EML6: variants seen among roughly 807,000 people sequenced by gnomAD.
EML6 encodes EMAP like 6.
EML6 carries 154 observed loss-of-function variants against 240.1 expected under a neutral mutation model. The ratio of observed to expected loss-of-function variants is 0.64; its 90% CI spans 0.56 to 0.73. The LOEUF (loss-of-function observed/expected upper bound fraction) is 0.73. Among genes scored for constraint, EML6 ranks in the 30% least tolerant of loss-of-function variants. EML6 has a pLI of 0.00. For missense variants in EML6, 2,964 were observed against 2,474.6 expected (o/e 1.20, Z -4.20); for synonymous variants, 1,148 against 899.0 (o/e 1.28, Z -4.95).
intron 2 of EML6, among the ~76,000 whole-genome samples, chr2:54,810,609 G>A (rs1398178139): frequency 6.6e-6 from 1 of 152,168 alleles, no homozygotes; most frequent in East Asian, 1.9e-4. Context: ...GCCTTCCAGG[G>A]GAAATATGCT....
At chr2:54,826,333 AC>A (rs1558582832) in intron 5 of EML6, among the ~76,000 whole-genome samples, 5 of 152,230 alleles carry the variant, frequency 3.3e-5, no homozygotes, top group Admixed American at 2.6e-4. Context: ...TCTAGTTGAT[AC>A]ATGAAAACTA....
At chr2:54,797,185 A>AAAC (rs1553380393) in intron 2 of EML6, among the ~76,000 whole-genome samples, 2 of 149,064 alleles carry the variant, frequency 1.3e-5, no homozygotes, top group East Asian at 3.9e-4. Context: ...AAAAAAAAAA[A>AAAC]AAAACTGTGA....
intron 31 of EML6, among the ~76,000 whole-genome samples, chr2:54,953,156 T>C (rs1217533968): frequency 1.3e-5 from 2 of 152,240 alleles, no homozygotes; most frequent in African/African-American, 4.8e-5. Flanking sequence ...CTGCTTGTTT[T>C]CATTGAATCA....
chr2:54,772,690 G>A (rs901291300), intron 2 of EML6, among the ~76,000 whole-genome samples: 2 of 152,196 alleles, frequency 1.3e-5, no homozygotes, highest in African/African-American at 4.8e-5. Flanking sequence ...AGATGGGAGA[G>A]GTCAGGAGAC....
chr2:54,765,693 C>T (rs543091179), intron 2 of EML6, among the ~76,000 whole-genome samples: 2 of 152,260 alleles, frequency 1.3e-5, no homozygotes, highest in South Asian at 4.2e-4. Flanking sequence ...ATCTCCTGAC[C>T]TCGTGATCCA....
In EML6 at chr2:54,892,528, G is replaced by C; in HGVS notation, c.2614G>C (p.Gly872Arg). 1 of 1,551,384 alleles carries C rather than the reference G, an allele frequency of 6.4e-7. No individual in the cohort carries two copies. ...GGAAACAATGATGTGTGTTTCTTAC[G>C]GACGAATGGAAGATCTAGTGTTCTC... ...KLETMMCVSY[G>R]RMEDLVFSGA... is the part of the protein sequence containing the mutation. Residue 872 changes from glycine (G) to arginine (R), a missense_variant, in exon 19 of 42, where the codon GGA (glycine) becomes CGA (arginine). Gly to Arg is a moderately radical substitution (Grantham distance 125). Transcript: ENST00000356458.
intron 2 of EML6, among the ~76,000 whole-genome samples, chr2:54,756,155 T>C (rs1206015924): frequency 6.6e-6 from 1 of 152,146 alleles, no homozygotes; most frequent in Non-Finnish European, 1.5e-5. Context: ...CTCTGGGCTC[T>C]GCACTGCAAA....
rs1007693861 is a variant in EML6, at chr2:54,805,060, G to C, written c.198-8172G>C. ...CTCCTAACATATGTTGAAGGTATTA[G>C]TGACTTGAGTATTCCACTGAATGCT... On this transcript the variant is annotated intron_variant, in intron 2 of 41. Coordinates refer to ENST00000356458, the MANE Select transcript of EML6 (RefSeq NM_001039753.4). Among the ~76,000 whole-genome samples the C allele has an allele frequency of 9.2e-5, 14 of 152,170 alleles. 1 individual carries two copies. Among genetic ancestry groups the C allele is most frequent in the Admixed American group, 9.2e-4 (14 of 15,278 alleles).
intron 21 of EML6, among the ~76,000 whole-genome samples, chr2:54,898,221 C>G (rs562708048): frequency 7.4e-4 from 112 of 152,182 alleles, no homozygotes; most frequent in Non-Finnish European, 2.1e-4. Context: ...TCCTTCAAGC[C>G]TGCCTCGCTT....
At chr2:54,880,110 C>T (rs544221317) in intron 17 of EML6, 1 of 153,954 alleles carries the variant, frequency 6.5e-6, no homozygotes, top group African/African-American at 2.4e-5. Flanking sequence ...CAAATTGTTT[C>T]CCTAATCTTC....
chr2:54,856,951 G>A (rs575413192), intron 11 of EML6, among the ~76,000 whole-genome samples: 5 of 152,298 alleles, frequency 3.3e-5, no homozygotes, highest in South Asian at 4.1e-4. Flanking sequence ...AAGGTTGGTC[G>A]GGCTTAGGAA....
At chr2:54,878,916 G>C (rs1671667377) in intron 16 of EML6, among the ~76,000 whole-genome samples, 1 of 152,160 alleles carries the variant, frequency 6.6e-6, no homozygotes. Context: ...TAGAAATTGG[G>C]AAGATTTAAA....
Position 54,895,292 on chromosome 2 carries a change from C to T in EML6, c.2874C>T (p.Asn958=), listed in dbSNP as rs540621079. The change falls in exon 21 of 42, where the codon AAC becomes AAT. Residue 958 remains asparagine (N), a synonymous_variant. Coordinates refer to ENST00000356458, the MANE Select transcript of EML6 (RefSeq NM_001039753.4). Reference sequence around the variant, plus strand: ...CCCCAGGCTTGCTTTTGGAAGATAACCCTTCAATTCGTGCCATCACTTTGG... The same window carrying T: ...CCCCAGGCTTGCTTTTGGAAGATAATCCTTCAATTCGTGCCATCACTTTGG... The part of the protein sequence containing the change: ...TSSKGLLLED[N]PSIRAITLGH... 1.3e-6 allele frequency: 2 copies of T among 1,551,642 alleles called. No individual in the cohort carries two copies. The highest frequency in any genetic ancestry group is 2.4e-5 in the East Asian group (1 of 40,916).
chr2:54,835,544 C>T (rs577904050), intron 7 of EML6, among the ~76,000 whole-genome samples: 1 of 152,154 alleles, frequency 6.6e-6, no homozygotes, highest in African/African-American at 2.4e-5. Context: ...GTGGCATAAT[C>T]GGATCTCCAC....
At chr2:54,963,899 T>G in intron 36 of EML6, 87 bp from the exon 37 acceptor site, 1 of 1,317,658 alleles carries the variant, frequency 7.6e-7, no homozygotes, top group Non-Finnish European at 1.0e-6. Flanking sequence ...GAGGGCAGCC[T>G]GACTTCTCTG....
chr2:54,950,590 G>A, intron 29 of EML6, 60 bp from the exon 30 acceptor site: 1 of 1,540,316 alleles, frequency 6.5e-7, no homozygotes, highest in Non-Finnish European at 8.8e-7. Flanking sequence ...ATGTGGGTGT[G>A]TTCCTCGGCT....
At chr2:54,942,347 T>G (rs1379089968) in intron 28 of EML6, among the ~76,000 whole-genome samples, 1 of 152,204 alleles carries the variant, frequency 6.6e-6, no homozygotes, top group Non-Finnish European at 1.5e-5. Flanking sequence ...TGTAAGCACT[T>G]TTCTGTCAAA....
chr2:54,912,313 A>C (rs978592915), intron 25 of EML6, among the ~76,000 whole-genome samples: 10 of 152,178 alleles, frequency 6.6e-5, no homozygotes, highest in African/African-American at 2.4e-4. Flanking sequence ...TATATGGAGA[A>C]ACTTATGGCC....
chr2:54,795,611 A>C (rs1669722699), intron 2 of EML6, among the ~76,000 whole-genome samples: 1 of 152,024 alleles, frequency 6.6e-6, no homozygotes, highest in Non-Finnish European at 1.5e-5. Context: ...GCCCCCAGGG[A>C]ATGTCTGGGT....
Sources: allele counts gnomAD v4.1 joint callset (sites outside exome capture counted in the v4.1 genomes callset), GRCh38; gene constraint gnomAD v4.1.1; transcripts MANE v1.5; gene names NCBI Gene and HGNC (gene_info 2026-07-23, HGNC 2026-07-21).